Variants in TANGO6 observed in about 807,000 individuals in gnomAD.
TANGO6 encodes the protein transport and golgi organization 6 homolog.
A neutral mutation model predicts 114.2 loss-of-function variants in TANGO6; 90 were observed. The ratio of observed to expected loss-of-function variants is 0.79; its 90% CI spans 0.66 to 0.94. The LOEUF is 0.94. TANGO6 is among the 40% of genes least tolerant of loss of function. The probability of loss-of-function intolerance (pLI) is 0.00; values close to 1 mark genes in which losing one functional copy is unlikely to be tolerated. For synonymous variants in TANGO6, 477 were observed against 509.8 expected (o/e 0.94, Z 0.87); for missense variants, 1,274 against 1,315.3 (o/e 0.97, Z 0.49).
chr16:68,882,182 T>C lies in TANGO6; in HGVS notation c.1377+1552T>C, dbSNP rs370920254. Among the ~76,000 whole-genome samples the C allele has an allele frequency of 2.4e-4, 36 of 152,014 alleles. No individual in the cohort carries two copies. The East Asian group carries it at 6.9e-3, about 29-fold the overall frequency. On this transcript the variant is annotated intron_variant, in intron 7 of 17. Coordinates refer to ENST00000261778, the MANE Select transcript of TANGO6 (RefSeq NM_024562.2). ...GGCCCAGCAATTCCACTACTAGGTATATACCCAAGAGAAATGAAAACTTGT... is the reference window on the plus strand; with the variant it reads ...GGCCCAGCAATTCCACTACTAGGTACATACCCAAGAGAAATGAAAACTTGT...
chr16:69,017,370 A>G (rs1408650240), intron 15 of TANGO6, among the ~76,000 whole-genome samples: 1 of 152,176 alleles, frequency 6.6e-6, no homozygotes, highest in African/African-American at 2.4e-5. Context: ...ATAAGTTAAT[A>G]TGCCTTTTCT....
At chr16:68,877,634 G>A (rs1350920801) in intron 5 of TANGO6, among the ~76,000 whole-genome samples, 2 of 151,558 alleles carry the variant, frequency 1.3e-5, no homozygotes, top group Non-Finnish European at 2.9e-5. Flanking sequence ...TTGAGATGGA[G>A]TCTCGCTCTG....
intron 14 of TANGO6, among the ~76,000 whole-genome samples, chr16:68,940,231 T>C (rs1478374418): frequency 6.6e-6 from 1 of 151,918 alleles, no homozygotes; most frequent in African/African-American, 2.4e-5. Context: ...TTTTCTTTTC[T>C]TTTCTTGACA....
In TANGO6 at chr16:68,854,969, G is replaced by A. The variant is rs556137822; in HGVS notation, c.95-4915G>A. Reference sequence around the variant, plus strand: ...TTGAGATTCTTATTGTAATTGCGTTGACTTTATAGATCAATTTGTGGACAA... The same window carrying A: ...TTGAGATTCTTATTGTAATTGCGTTAACTTTATAGATCAATTTGTGGACAA... On this transcript the variant is annotated intron_variant, in intron 1 of 17. Coordinates refer to ENST00000261778, the MANE Select transcript of TANGO6 (RefSeq NM_024562.2). Among the ~76,000 whole-genome samples, 5 of 151,224 alleles carry A rather than the reference G, an allele frequency of 3.3e-5. No homozygotes were observed. The South Asian group carries it at 6.3e-4, about 19-fold the overall frequency.
intron 17 of TANGO6, among the ~76,000 whole-genome samples, chr16:69,068,250 A>G (rs1960248066): frequency 1.3e-5 from 2 of 152,084 alleles, no homozygotes; most frequent in South Asian, 2.1e-4. Flanking sequence ...GCAGTGAGCT[A>G]TGATCGTGCC....
At chr16:68,906,005 C>T (rs899910302) in intron 9 of TANGO6, among the ~76,000 whole-genome samples, 1 of 152,024 alleles carries the variant, frequency 6.6e-6, no homozygotes, top group African/African-American at 2.4e-5. Context: ...ATAGTGAAAC[C>T]CTGTCTCTAC....
At chr16:69,012,882 GA>G (rs1426111752) in intron 15 of TANGO6, among the ~76,000 whole-genome samples, 2 of 152,088 alleles carry the variant, frequency 1.3e-5, no homozygotes, top group African/African-American at 4.8e-5. Context: ...GAGTCAATGG[GA>G]ACATCTCATC....
chr16:69,030,338 C>G (rs1380818115), intron 16 of TANGO6, among the ~76,000 whole-genome samples: 1 of 151,910 alleles, frequency 6.6e-6, no homozygotes, highest in Admixed American at 6.6e-5. Context: ...TGAGGAGTCC[C>G]TTGGTCAAGT....
chr16:68,896,245 G>C (rs1190735185), intron 7 of TANGO6, among the ~76,000 whole-genome samples: 2 of 152,246 alleles, frequency 1.3e-5, no homozygotes, highest in African/African-American at 4.8e-5. Context: ...GGACTCAAGT[G>C]ATCTTCCCTC....
chr16:68,845,466 C>A (rs757548249), intron 1 of TANGO6, among the ~76,000 whole-genome samples: 1 of 151,970 alleles, frequency 6.6e-6, no homozygotes, highest in Non-Finnish European at 1.5e-5. Context: ...GGAATTAGTT[C>A]GTGAAATTAT....
intron 7 of TANGO6, among the ~76,000 whole-genome samples, chr16:68,882,256 G>C (rs1186816213): frequency 6.6e-6 from 1 of 152,088 alleles, no homozygotes. Flanking sequence ...CAGCACTATG[G>C]GAGGCCGAGG....
chr16:68,939,484 T>G (rs1963330320), intron 14 of TANGO6, among the ~76,000 whole-genome samples: 1 of 152,130 alleles, frequency 6.6e-6, no homozygotes, highest in African/African-American at 2.4e-5. Flanking sequence ...AACAGAAAAT[T>G]GCCAACTTTA....
intron 7 of TANGO6, among the ~76,000 whole-genome samples, chr16:68,892,007 T>C (rs1188972764): frequency 1.3e-5 from 2 of 152,030 alleles, no homozygotes; most frequent in African/African-American, 4.8e-5. Flanking sequence ...GCATTGTAAC[T>C]TCCCCACAAA....
intron 1 of TANGO6, among the ~76,000 whole-genome samples, chr16:68,851,739 C>G (rs1434397879): frequency 1.3e-5 from 2 of 152,096 alleles, no homozygotes; most frequent in African/African-American, 4.8e-5. Context: ...CTAGATATTG[C>G]CAAATTTCTG....
At chr16:69,025,077 G>T (rs1959477007) in intron 16 of TANGO6, among the ~76,000 whole-genome samples, 2 of 152,222 alleles carry the variant, frequency 1.3e-5, no homozygotes. Context: ...CAAAGTGCTG[G>T]TGATGTTGGA....
chr16:69,046,602 G>A (rs1959862948), intron 17 of TANGO6, among the ~76,000 whole-genome samples: 1 of 152,020 alleles, frequency 6.6e-6, no homozygotes, highest in Non-Finnish European at 1.5e-5. Flanking sequence ...TTACAGGCAT[G>A]AGCCACCGCA....
At chr16:68,938,623 T>G (rs1328159328) in intron 14 of TANGO6, among the ~76,000 whole-genome samples, 1 of 152,124 alleles carries the variant, frequency 6.6e-6, no homozygotes, top group African/African-American at 2.4e-5. Flanking sequence ...TTGAAAGCAT[T>G]GCCAATTAAC....
Position 68,993,870 on chromosome 16 carries a change from T to G in TANGO6, c.2842+19702T>G, listed in dbSNP as rs575820382. ...AAACCTAGAATTTTTCCTTCCTGAT[T>G]ATTACATTTCTGGACTTTGTTTTAA... is the stretch of plus-strand genomic sequence containing the variant. On this transcript the variant is annotated intron_variant, in intron 15 of 17. Transcript: ENST00000261778. 7.2e-5 allele frequency among the ~76,000 whole-genome samples: 11 copies of G among 152,346 alleles called. No individual in the cohort carries two copies. The East Asian group carries it at 2.1e-3, about 29-fold the overall frequency.
At chr16:69,001,370 A>G (rs2152221167) in intron 15 of TANGO6, among the ~76,000 whole-genome samples, 1 of 152,322 alleles carries the variant, frequency 6.6e-6, no homozygotes, top group African/African-American at 2.4e-5. Flanking sequence ...AGTAATCTTT[A>G]AACTCCCTTT....
Sources: gnomAD v4.1 joint callset for allele counts (sites outside exome capture counted in the v4.1 genomes callset) on GRCh38, gnomAD v4.1.1 for gene constraint, MANE v1.5 for transcripts, NCBI Gene and HGNC (gene_info 2026-07-23, HGNC 2026-07-21) for gene names.